SMAD4: variants seen among roughly 807,000 people sequenced by gnomAD.
SMAD4 encodes the protein MAD homolog 4.
Under a neutral mutation model 63.2 loss-of-function variants are expected in SMAD4, and 7 were observed. The observed-to-expected ratio is 0.11, with a 90% CI of 0.06 to 0.21. SMAD4 has a LOEUF of 0.21. Ranked by LOEUF, SMAD4 falls within the 10% of genes least tolerant of loss-of-function variation. SMAD4 has a pLI of 1.00. For synonymous variants in SMAD4, 215 were observed against 235.4 expected (o/e 0.91, Z 0.79); for missense variants, 312 against 693.8 (o/e 0.45, Z 6.18).
intron 10 of SMAD4, 136 bp downstream of exon 10, chr18:51,067,323 A>C (rs1482630201): frequency 2.0e-6 from 1 of 493,654 alleles, no homozygotes; most frequent in African/African-American, 2.0e-5. Context: ...TATAAAAAAC[A>C]CATTTTCTGA....
chr18:51,034,737 G>T (rs1187063792), intron 1 of SMAD4, among the ~76,000 whole-genome samples: 7 of 151,808 alleles, frequency 4.6e-5, no homozygotes, highest in African/African-American at 1.7e-4. Context: ...TAGAGATGGG[G>T]GTCTCTCTCT....
intron 1 of SMAD4, among the ~76,000 whole-genome samples, chr18:51,041,083 A>G (rs962610487): frequency 1.3e-5 from 2 of 151,988 alleles, no homozygotes; most frequent in Non-Finnish European, 2.9e-5. Context: ...CCCATTGCCC[A>G]TGCCCCAGTC....
rs190477956 is a variant in SMAD4 at position 51,047,954 on chromosome 18, A to G, written c.249+659A>G. ...ATTGTATGTACATTTAAACAACCGG[A>G]TTACACTTAGTCCTTTTATAATTTA... On this transcript the variant is annotated intron_variant, in intron 2 of 11. Transcript: ENST00000342988. Among the ~76,000 whole-genome samples the G allele has an allele frequency of 2.1e-4, 32 of 152,180 alleles. No homozygotes were observed. In the East Asian group the frequency reaches 5.8e-3, roughly 28 times the overall value.
intron 11 of SMAD4, chr18:51,077,176 A>T (rs114637817): frequency 0.016 from 2,479 of 155,372 alleles, 70 homozygotes; most frequent in African/African-American, 0.056. Context: ...TTTTTTTTTT[A>T]AAGTATGCTA....
intron 8 of SMAD4, among the ~76,000 whole-genome samples, chr18:51,060,429 C>G (rs1909976618): frequency 6.6e-6 from 1 of 152,150 alleles, no homozygotes; most frequent in Non-Finnish European, 1.5e-5. Flanking sequence ...GGTAATAAAA[C>G]AGAAAACACT....
chr18:51,083,315 G>C lies in SMAD4; in HGVS notation c.*4848G>C, dbSNP rs1910654540. The C allele has an allele frequency of 4.4e-6, 1 of 227,882 alleles. No homozygotes were observed. The highest frequency in any genetic ancestry group is 8.7e-6 in the Non-Finnish European group (1 of 114,816). The allele number at this position is 227,882 out of a possible 1,614,324, so 14.1% of individuals were successfully genotyped here. ...TGCCTTCTGGCCTTACTCCTGTACAGATATTTTTGACCTATAGGTGCCTTT... is the reference window on the plus strand; with the variant it reads ...TGCCTTCTGGCCTTACTCCTGTACACATATTTTTGACCTATAGGTGCCTTT... On this transcript the variant is annotated 3_prime_UTR_variant, in exon 12 of 12. Transcript: ENST00000342988.
intron 8 of SMAD4, among the ~76,000 whole-genome samples, chr18:51,064,803 C>G (rs375548285): frequency 5.9e-5 from 9 of 152,092 alleles, no homozygotes; most frequent in African/African-American, 2.2e-4. Context: ...GACCTTCTAC[C>G]CAAGAGACAG....
intron 10 of SMAD4, among the ~76,000 whole-genome samples, chr18:51,071,433 A>C (rs1395000498): frequency 1.3e-5 from 2 of 152,162 alleles, no homozygotes; most frequent in African/African-American, 4.8e-5. Flanking sequence ...CTCTCATGAC[A>C]TAGTAGTCAT....
At position 51,079,651 on chromosome 18, in the gene SMAD4, T is replaced by A. The variant is rs375691219; in HGVS notation, c.*1184T>A. On this transcript the variant is annotated 3_prime_UTR_variant, in exon 12 of 12. Coordinates refer to ENST00000342988, the MANE Select transcript of SMAD4 (RefSeq NM_005359.6). ...AAGCCCTTTGCCATCAATGATCATA[T>A]CAATTGGCAGTGACTTTGTATAGAG... 4.3e-6 allele frequency: 1 copy of A among 233,346 alleles called. No homozygotes were observed. Among genetic ancestry groups the A allele is most frequent in the Non-Finnish European group, 8.5e-6 (1 of 117,950 alleles). 14.5% of individuals were successfully genotyped at this position (233,346 alleles called of 1,614,324 possible). A position where few individuals can be genotyped will look rare whatever the true frequency, so the allele number is the denominator to read the frequency against.
chr18:51,059,440 A>G (rs1909944982), intron 7 of SMAD4, among the ~76,000 whole-genome samples: 1 of 152,248 alleles, frequency 6.6e-6, no homozygotes, highest in Non-Finnish European at 1.5e-5. Flanking sequence ...ACACATTACC[A>G]GTTTTCAATT....
rs1005927118 is a variant in SMAD4, at chr18:51,083,987, TTAACGCGC to T, written c.*5521_*5528del. 8 of 222,116 alleles carry T rather than the reference TTAACGCGC, an allele frequency of 3.6e-5. No homozygotes were observed. The highest frequency in any genetic ancestry group is 1.9e-4 in the African/African-American group (8 of 42,348). 13.8% of individuals were successfully genotyped at this position (222,116 alleles called of 1,614,324 possible). A position where few individuals can be genotyped will look rare whatever the true frequency, so the allele number is the denominator to read the frequency against. On this transcript the variant is annotated 3_prime_UTR_variant, in exon 12 of 12. Coordinates refer to ENST00000342988, the MANE Select transcript of SMAD4 (RefSeq NM_005359.6). ...CCACCTTAGGGGCTGCAATAAACAC[TTAACGCGC>T]GTGCGCACGCGCGCGCGCACACACA... is the stretch of plus-strand genomic sequence containing the variant.
Position 51,058,440 on chromosome 18 carries a change from C to G in SMAD4, c.888C>G (p.Pro296=), listed in dbSNP as rs1060504026. The G allele has an allele frequency of 1.6e-5, 26 of 1,613,130 alleles. No homozygotes were observed. The highest frequency in any genetic ancestry group is 2.0e-5 in the Non-Finnish European group (24 of 1,179,386). ...GHLQHHPPMP[P]HPGHYWPVHN... ...TTCAGCACCACCCGCCTATGCCGCC[C>G]CATCCCGGACATTACTGTAAGCTCT... Residue 296 remains proline, a synonymous_variant, in exon 7 of 12, where the codon CCC becomes CCG. Transcript: ENST00000342988.
At chr18:51,047,897 C>T (rs1909594665) in intron 2 of SMAD4, among the ~76,000 whole-genome samples, 1 of 152,250 alleles carries the variant, frequency 6.6e-6, no homozygotes, top group Non-Finnish European at 1.5e-5. Context: ...GCGTGAGCCA[C>T]TGTGCCCAGT....
rs1910545752 is a variant in SMAD4, at chr18:51,079,167, G to A, written c.*700G>A. On this transcript the variant is annotated 3_prime_UTR_variant, in exon 12 of 12. Transcript: ENST00000342988. ...ACCAGACAAAAAAATTTAAAATTACGTTTGTTATTCCTAGTGGATGACTGT... is the reference window on the plus strand; with the variant it reads ...ACCAGACAAAAAAATTTAAAATTACATTTGTTATTCCTAGTGGATGACTGT... 8.6e-6 allele frequency: 2 copies of A among 232,730 alleles called. No individual in the cohort carries two copies. The highest frequency in any genetic ancestry group is 1.7e-5 in the Non-Finnish European group (2 of 117,860). 14.4% of individuals were successfully genotyped at this position (232,730 alleles called of 1,614,324 possible). A position where few individuals can be genotyped will look rare whatever the true frequency, so the allele number is the denominator to read the frequency against.
At chr18:51,057,248 T>C (rs976989860) in intron 5 of SMAD4, among the ~76,000 whole-genome samples, 1 of 152,194 alleles carries the variant, frequency 6.6e-6, no homozygotes, top group Admixed American at 6.5e-5. Flanking sequence ...TAAATAATTA[T>C]AACTTTAGTG....
intron 10 of SMAD4, 128 bp downstream of exon 10, chr18:51,067,315 TA>T (rs1001213069): frequency 1.2e-5 from 6 of 510,642 alleles, no homozygotes; most frequent in African/African-American, 7.8e-5. Context: ...TGTTTAAGTA[TA>T]AAAAACACAT....
At chr18:51,031,047 T>C (rs72913244) in intron 1 of SMAD4, among the ~76,000 whole-genome samples, 50,058 of 152,100 alleles carry the variant, frequency 0.33, 8,936 homozygotes, top group East Asian at 0.48. Context: ...TTCTGTTTTG[T>C]CTTTGTCCCC....
At chr18:51,066,996 G>A (rs767546607) in intron 9 of SMAD4, 23 bp from the exon 10 acceptor site, 2 of 1,565,098 alleles carry the variant, frequency 1.3e-6, no homozygotes, top group East Asian at 2.2e-5. Context: ...AAGATAAAAT[G>A]TAATTTCTTT....
At chr18:51,073,388 T>TATATATATACACACACACACAC (rs1417299090) in intron 10 of SMAD4, among the ~76,000 whole-genome samples, 1 of 64,160 alleles carries the variant, frequency 1.6e-5, no homozygotes, top group African/African-American at 7.6e-5. Flanking sequence ...TATATATATA[T>TATATATATACACACACACACAC]ACACACACAC....
Sources: gnomAD v4.1 joint callset for allele counts (sites outside exome capture counted in the v4.1 genomes callset) on GRCh38, gnomAD v4.1.1 for gene constraint, MANE v1.5 for transcripts, NCBI Gene and HGNC (gene_info 2026-07-23, HGNC 2026-07-21) for gene names.